MAGI3: variants seen among roughly 807,000 people sequenced by gnomAD.
The protein encoded by MAGI3 is membrane-associated guanylate kinase, WW and PDZ domain-containing protein 3.
Under a neutral mutation model 121.8 loss-of-function variants are expected in MAGI3, and 43 were observed. That is an observed-to-expected ratio of 0.35 (90% CI 0.28 to 0.46). The LOEUF is 0.46. Among genes scored for constraint, MAGI3 ranks in the 20% least tolerant of loss-of-function variants. MAGI3 has a pLI of 1.00. For missense variants in MAGI3, 1,547 were observed against 1,797.3 expected, an observed-to-expected ratio of 0.86 and a Z score of 2.52; for synonymous variants, 553 against 639.3, an observed-to-expected ratio of 0.86 and a Z score of 2.04.
intron 1 of MAGI3, among the ~76,000 whole-genome samples, chr1:113,524,559 T>G (rs995060236): frequency 2.0e-5 from 3 of 152,056 alleles, no homozygotes; most frequent in Admixed American, 2.0e-4. Context: ...ATTTCGGACT[T>G]GCATGGGGTC....
chr1:113,435,484 G>A (rs890470926), intron 1 of MAGI3, among the ~76,000 whole-genome samples: 5 of 152,082 alleles, frequency 3.3e-5, no homozygotes. Context: ...TTTGAAAAAT[G>A]AAATTAAGGA....
At chr1:113,445,284 A>G (rs1654120900) in intron 1 of MAGI3, among the ~76,000 whole-genome samples, 1 of 152,140 alleles carries the variant, frequency 6.6e-6, no homozygotes. Context: ...GTGAACCCAA[A>G]GAGACCCACA....
At chr1:113,621,216 A>G (rs1181995368) in intron 8 of MAGI3, among the ~76,000 whole-genome samples, 1 of 152,240 alleles carries the variant, frequency 6.6e-6, no homozygotes, top group African/African-American at 2.4e-5. Context: ...GTGTGCCGAA[A>G]GGCCAGAAGG....
At chr1:113,484,625 C>T (rs1656263061) in intron 1 of MAGI3, among the ~76,000 whole-genome samples, 2 of 135,450 alleles carry the variant, frequency 1.5e-5, no homozygotes, top group Non-Finnish European at 3.2e-5. Context: ...TATATATATA[C>T]CTACCTTTCT....
intron 16 of MAGI3, among the ~76,000 whole-genome samples, chr1:113,665,070 C>T (rs1285590218): frequency 1.3e-5 from 2 of 152,106 alleles, no homozygotes; most frequent in African/African-American, 2.4e-5. Context: ...TTTTTCCCCA[C>T]ATCACAGAGA....
chr1:113,456,952 G>T (rs1250008942), intron 1 of MAGI3, among the ~76,000 whole-genome samples: 1 of 150,898 alleles, frequency 6.6e-6, no homozygotes, highest in Non-Finnish European at 1.5e-5. Context: ...CCATTTATTT[G>T]CAGGCCGATT....
chr1:113,407,566 ATCTG>A (rs567363786), intron 1 of MAGI3, among the ~76,000 whole-genome samples: 346 of 133,428 alleles, frequency 2.6e-3, no homozygotes, highest in Non-Finnish European at 3.6e-3. Flanking sequence ...CCATCCATCA[ATCTG>A]TCTTTTTTTT....
intron 1 of MAGI3, among the ~76,000 whole-genome samples, chr1:113,538,814 T>C (rs1659125576): frequency 1.3e-5 from 2 of 152,148 alleles, no homozygotes; most frequent in African/African-American, 2.4e-5. Flanking sequence ...AAAAGAGAAA[T>C]GATTGCAATT....
chr1:113,483,768 T>C (rs1195620218), intron 1 of MAGI3, among the ~76,000 whole-genome samples: 7 of 152,342 alleles, frequency 4.6e-5, no homozygotes, highest in Middle Eastern at 3.4e-3. Flanking sequence ...CTCCAACTTT[T>C]ATTGTGAAAA....
At position 113,683,947 on chromosome 1, in the gene MAGI3, G is replaced by T. The variant is rs745629495; in HGVS notation, c.4379G>T (p.Gly1460Val). The T allele has an allele frequency of 6.2e-7, 1 of 1,605,946 alleles. No homozygotes were observed. Among genetic ancestry groups the T allele is most frequent in the Admixed American group, 1.7e-5 (1 of 58,392 alleles). ...SPVKKTLITP[G>V]PWKVPSGNKV... Reference sequence around the variant, plus strand: ...GTTAAGAAAACACTGATAACTCCAGGGCCCTGGAAGGTTCCAAGTGGAAAT... The same window carrying T: ...GTTAAGAAAACACTGATAACTCCAGTGCCCTGGAAGGTTCCAAGTGGAAAT... Residue 1460 changes from glycine (G) to valine (V), a missense_variant, in exon 21 of 21, where the codon GGG becomes GTG. Coordinates refer to ENST00000307546, the MANE Select transcript of MAGI3 (RefSeq NM_001142782.2).
At chr1:113,456,803 G>T (rs1208935161) in intron 1 of MAGI3, among the ~76,000 whole-genome samples, 1 of 149,688 alleles carries the variant, frequency 6.7e-6, no homozygotes, top group East Asian at 1.9e-4. Flanking sequence ...TGAAATGATA[G>T]AGTCATTTCT....
At chr1:113,623,726 A>T (rs1218551135) in intron 9 of MAGI3, among the ~76,000 whole-genome samples, 1 of 152,036 alleles carries the variant, frequency 6.6e-6, no homozygotes, top group Non-Finnish European at 1.5e-5. Flanking sequence ...TGACCTCGTG[A>T]TCCGCCTGCC....
intron 1 of MAGI3, among the ~76,000 whole-genome samples, chr1:113,497,360 C>T (rs1656977301): frequency 1.7e-5 from 2 of 115,526 alleles, no homozygotes; most frequent in South Asian, 5.9e-4. Flanking sequence ...GTGTGCGCAC[C>T]GTGCGCGAGC....
chr1:113,614,645 A>G lies in MAGI3; in HGVS notation c.1063A>G (p.Thr355Ala). 1 of 1,605,654 alleles carries G rather than the reference A, an allele frequency of 6.2e-7. No homozygotes were observed. The highest frequency in any genetic ancestry group is 8.5e-7 in the Non-Finnish European group (1 of 1,175,094). Residue 355 changes from threonine (T) to alanine (A), a missense_variant, in exon 7 of 21, where the codon ACA becomes GCA. Thr to Ala is a moderately conservative substitution (Grantham distance 58, BLOSUM62 0). Transcript: ENST00000307546. ...WEKIEDPQYGTYYVDHLNQKT... is the reference protein window; with the variant it reads ...WEKIEDPQYGAYYVDHLNQKT... ...GAAAATAGAGGACCCTCAGTATGGG[A>G]CATACTATGTTGAGTAAGTTTGTTA...
intron 1 of MAGI3, among the ~76,000 whole-genome samples, chr1:113,519,959 C>T (rs1462345119): frequency 6.6e-6 from 1 of 152,210 alleles, no homozygotes; most frequent in African/African-American, 2.4e-5. Context: ...CTAAGGATAG[C>T]ATCTCAGCCC....
intron 7 of MAGI3, chr1:113,618,442 G>T: frequency 2.4e-6 from 1 of 416,788 alleles, no homozygotes; most frequent in Non-Finnish European, 4.7e-6. Flanking sequence ...AAACAATCAT[G>T]TTCTGAAATT....
At chr1:113,454,972 A>G (rs1430600857) in intron 1 of MAGI3, among the ~76,000 whole-genome samples, 1 of 152,190 alleles carries the variant, frequency 6.6e-6, no homozygotes, top group Non-Finnish European at 1.5e-5. Context: ...AATAAACAAG[A>G]AGTAGAACCA....
intron 1 of MAGI3, among the ~76,000 whole-genome samples, chr1:113,401,418 A>G (rs1006760375): frequency 9.2e-5 from 14 of 152,172 alleles, no homozygotes; most frequent in African/African-American, 3.4e-4. Flanking sequence ...GCTAAGCTGC[A>G]TGATAAAGTA....
At chr1:113,651,416 A>G (rs951414238) in intron 14 of MAGI3, among the ~76,000 whole-genome samples, 1 of 152,198 alleles carries the variant, frequency 6.6e-6, no homozygotes, top group African/African-American at 2.4e-5. Flanking sequence ...TTGGGCTTCT[A>G]TATTAAGATT....
Sources: allele counts gnomAD v4.1 joint callset (sites outside exome capture counted in the v4.1 genomes callset), GRCh38; gene constraint gnomAD v4.1.1; transcripts MANE v1.5; gene names NCBI Gene and HGNC (gene_info 2026-07-23, HGNC 2026-07-21).